CACNA2D4: variants seen among roughly 807,000 people sequenced by gnomAD.
The protein encoded by CACNA2D4 is voltage-dependent calcium channel subunit alpha-2/delta-4.
In CACNA2D4, 157 loss-of-function variants were observed where a neutral mutation model predicts 163.8. That is an observed-to-expected ratio of 0.96 (90% CI 0.84 to 1.09). The LOEUF (loss-of-function observed/expected upper bound fraction) is 1.09. Ranked by LOEUF, CACNA2D4 falls within the 50% of genes least tolerant of loss-of-function variation. The probability of loss-of-function intolerance (pLI) is 0.00; values close to 1 mark genes in which losing one functional copy is unlikely to be tolerated. For synonymous variants in CACNA2D4, 598 were observed against 586.9 expected (o/e 1.02, Z -0.27); for missense variants, 1,410 against 1,479.9 (o/e 0.95, Z 0.78).
chr12:1,823,127 A>C (rs957520731), intron 26 of CACNA2D4: 3 of 152,368 alleles, frequency 2.0e-5, no homozygotes, highest in African/African-American at 7.2e-5. Context: ...GGGAGTGGGC[A>C]CACCCTAGGG....
chr12:1,907,835 C>G (rs1016757762), intron 5 of CACNA2D4, 40 bp downstream of exon 5: 85 of 1,608,698 alleles, frequency 5.3e-5, no homozygotes, highest in Non-Finnish European at 6.5e-5. Flanking sequence ...GCTAGGTGGG[C>G]GTGCCTGGTG....
chr12:1,875,377 A>G lies in CACNA2D4; in HGVS notation c.1720-40T>C, dbSNP rs769527438. On this transcript the variant is annotated intron_variant, in intron 16 of 37. Transcript: ENST00000382722. This position sits in a 1 kb window ranked among gnomAD's most constrained non-coding sequence, Gnocchi z 4.0. Reference sequence around the variant, plus strand: ...TCAGGAAGAAAAACATGTGGTCAGTATACGTCCTGCTCAAGTTTATCTCTT... The same window carrying G: ...TCAGGAAGAAAAACATGTGGTCAGTGTACGTCCTGCTCAAGTTTATCTCTT... The G allele has an allele frequency of 2.4e-6, 3 of 1,266,840 alleles. No homozygotes were observed. Among genetic ancestry groups the G allele is most frequent in the East Asian group, 2.3e-5 (1 of 43,350 alleles). 78.5% of individuals were successfully genotyped at this position (1,266,840 alleles called of 1,614,324 possible). A position where few individuals can be genotyped will look rare whatever the true frequency, so the allele number is the denominator to read the frequency against.
intron 26 of CACNA2D4, among the ~76,000 whole-genome samples, chr12:1,816,249 G>A (rs754314170): frequency 5.9e-5 from 9 of 151,530 alleles, no homozygotes; most frequent in South Asian, 2.1e-4. Context: ...CACACCTTTC[G>A]GTGAAGAGAA....
chr12:1,854,197 C>G (rs958063594), intron 22 of CACNA2D4, among the ~76,000 whole-genome samples, 153 bp from the exon 23 acceptor site: 7 of 152,188 alleles, frequency 4.6e-5, no homozygotes, highest in African/African-American at 1.4e-4. Context: ...AGCTGCCTCA[C>G]CTCTGTCTGT....
At position 1,800,383 on chromosome 12, in the gene CACNA2D4, C is replaced by G. The variant is rs773484873; in HGVS notation, c.2921+3G>C. On this transcript the variant is annotated splice_donor_region_variant and intron_variant, in intron 32 of 37. Transcript: ENST00000382722. ...CACCAGCCCCGTGTCTACCCCCACT[C>G]ACAGCACCAGCTCCTGCAGCAGCCA... 6.2e-6 allele frequency: 10 copies of G among 1,613,788 alleles called. No individual in the cohort carries two copies. Among genetic ancestry groups the G allele is most frequent in the Non-Finnish European group, 8.5e-6 (10 of 1,179,856 alleles).
intron 35 of CACNA2D4, 84 bp from the exon 36 acceptor site, chr12:1,795,864 T>C (rs1863107456): frequency 1.1e-6 from 1 of 911,300 alleles, no homozygotes; most frequent in Non-Finnish European, 1.8e-6. Context: ...GAGACTTTAG[T>C]GTGGAGTTAG....
At chr12:1,863,906 A>AT (rs1865581315) in intron 18 of CACNA2D4, among the ~76,000 whole-genome samples, 4 of 150,612 alleles carry the variant, frequency 2.7e-5, no homozygotes, top group African/African-American at 9.9e-5. Context: ...ACAAAAAAAA[A>AT]AAAATAATAA....
intron 6 of CACNA2D4, among the ~76,000 whole-genome samples, chr12:1,904,567 A>G (rs1866611362): frequency 6.6e-6 from 1 of 152,060 alleles, no homozygotes; most frequent in Non-Finnish European, 1.5e-5. Flanking sequence ...GGGCACCACA[A>G]TGTATAAAGA....
chr12:1,840,178 T>C (rs1234012927), intron 26 of CACNA2D4, among the ~76,000 whole-genome samples: 1 of 152,160 alleles, frequency 6.6e-6, no homozygotes, highest in East Asian at 1.9e-4. Flanking sequence ...AGGTCATCTT[T>C]TCAACAGCAA....
rs1186331431 is a variant in CACNA2D4, at chr12:1,829,517, A to G, written c.2551+11222T>C. Among the ~76,000 whole-genome samples the G allele has an allele frequency of 6.6e-6, 1 of 152,040 alleles. No individual in the cohort carries two copies. The highest frequency in any genetic ancestry group is 2.1e-4 in the South Asian group (1 of 4,822). ...ACAGTGAGGCTTGCTGTTAGGCTGC[A>G]GGGAGGCCTGGGCCAGATCTAGCCA... On this transcript the variant is annotated intron_variant, in intron 26 of 37. Transcript: ENST00000382722. The surrounding 1 kb of genome is among the most constrained non-coding windows in gnomAD (Gnocchi z 4.2).
In CACNA2D4 at chr12:1,846,583, G is replaced by A; in HGVS notation, c.2342+11C>T. On this transcript the variant is annotated intron_variant, in intron 24 of 37. Transcript: ENST00000382722. ...AGGGATTGCCCTCCCGAGGTGGCCG[G>A]CCCAACCCACCTGTCGGAGACCTTC... 2 of 1,581,212 alleles carry A rather than the reference G, an allele frequency of 1.3e-6. No individual in the cohort carries two copies. Among genetic ancestry groups the A allele is most frequent in the East Asian group, 2.3e-5 (1 of 43,314 alleles).
chr12:1,870,787 A>G (rs1486754638), intron 18 of CACNA2D4, among the ~76,000 whole-genome samples: 6 of 152,040 alleles, frequency 3.9e-5, no homozygotes, highest in Admixed American at 6.6e-5. Context: ...AATTCTGTTA[A>G]CAGAAAGAGA....
chr12:1,873,913 T>G (rs1038386230), intron 18 of CACNA2D4, among the ~76,000 whole-genome samples: 7 of 152,222 alleles, frequency 4.6e-5, no homozygotes, highest in Non-Finnish European at 8.8e-5. Context: ...GTCTGTGTTG[T>G]GGAAGAACTT....
intron 6 of CACNA2D4, among the ~76,000 whole-genome samples, chr12:1,890,507 G>A (rs187999460): frequency 1.2e-4 from 18 of 152,294 alleles, no homozygotes; most frequent in Admixed American, 2.0e-4. Flanking sequence ...ATGTACAGCC[G>A]TTGCACTGTG....
rs1203815078 is a variant in CACNA2D4, at chr12:1,874,768, G to A, written c.1807-93C>T. On this transcript the variant is annotated intron_variant, in intron 17 of 37. Transcript: ENST00000382722. The surrounding 1 kb of genome is among the most constrained non-coding windows in gnomAD (Gnocchi z 4.4). Reference sequence around the variant, plus strand: ...CAGACCAGATTAGAGGTGATCCCCAGAAACACTTTTGGTTCTTCCCTTTTT... The same window carrying A: ...CAGACCAGATTAGAGGTGATCCCCAAAAACACTTTTGGTTCTTCCCTTTTT... 2 of 926,966 alleles carry A rather than the reference G, an allele frequency of 2.2e-6. No individual in the cohort carries two copies. The highest frequency in any genetic ancestry group is 2.5e-5 in the East Asian group (1 of 40,434). The allele number at this position is 926,966 out of a possible 1,614,324, so 57.4% of individuals were successfully genotyped here.
chr12:1,858,707 C>A, intron 19 of CACNA2D4, 63 bp from the exon 20 acceptor site: 1 of 1,378,936 alleles, frequency 7.3e-7, no homozygotes, highest in Non-Finnish European at 1.0e-6. Flanking sequence ...TCTCCCGGGC[C>A]TCGTCCTTGC....
chr12:1,863,531 T>C (rs1865569888), intron 18 of CACNA2D4, among the ~76,000 whole-genome samples: 1 of 152,260 alleles, frequency 6.6e-6, no homozygotes, highest in Non-Finnish European at 1.5e-5. Context: ...GTGTTAACAA[T>C]ACTGATCTTA....
intron 23 of CACNA2D4, among the ~76,000 whole-genome samples, chr12:1,852,289 T>C (rs1185354943): frequency 6.6e-6 from 1 of 152,232 alleles, no homozygotes; most frequent in African/African-American, 2.4e-5. Flanking sequence ...GTCTTGTTCC[T>C]GTCTTTAGTG....
At chr12:1,889,356 T>C (rs773712371) in intron 6 of CACNA2D4, among the ~76,000 whole-genome samples, 2 of 152,218 alleles carry the variant, frequency 1.3e-5, no homozygotes, top group Non-Finnish European at 2.9e-5. Flanking sequence ...CAAATAACAA[T>C]ACTTGTGTGT....
Sources: allele counts gnomAD v4.1 joint callset (sites outside exome capture counted in the v4.1 genomes callset), GRCh38; gene constraint gnomAD v4.1.1; non-coding constraint Gnocchi (gnomAD v3.1); transcripts MANE v1.5; gene names NCBI Gene and HGNC (gene_info 2026-07-23, HGNC 2026-07-21).